Variants in RPP30 observed in about 807,000 individuals in gnomAD.
The protein encoded by RPP30 is ribonuclease P/MRP subunit p30.
Under a neutral mutation model 38.6 loss-of-function variants are expected in RPP30, and 36 were observed. The ratio of observed to expected loss-of-function variants is 0.93; its 90% CI spans 0.71 to 1.23. The LOEUF (loss-of-function observed/expected upper bound fraction) is 1.23, where lower values mean the gene tolerates loss of function less well. Ranked by LOEUF, RPP30 falls within the 50% of genes most tolerant of loss-of-function variation. The probability of loss-of-function intolerance (pLI) is 0.00; values close to 1 mark genes in which losing one functional copy is unlikely to be tolerated. For missense variants in RPP30, 321 were observed against 321.7 expected (o/e 1.00, Z 0.02); for synonymous variants, 126 against 112.7 (o/e 1.12, Z -0.75).
downstream of RPP30, among the ~76,000 whole-genome samples, chr10:90,904,453 A>G (rs757783365): frequency 3.3e-5 from 5 of 152,178 alleles, no homozygotes; most frequent in Non-Finnish European, 5.9e-5. Context: ...CTGTCACATT[A>G]TTGCAAGGAT....
intron 6 of RPP30, among the ~76,000 whole-genome samples, chr10:90,893,005 A>G (rs561173067): frequency 2.6e-5 from 4 of 152,358 alleles, no homozygotes; most frequent in Admixed American, 2.0e-4. Context: ...GGACAGAAAT[A>G]CTATCTTAAC....
downstream of RPP30, among the ~76,000 whole-genome samples, chr10:90,905,057 G>T (rs1847239040): frequency 6.6e-6 from 1 of 152,138 alleles, no homozygotes; most frequent in Non-Finnish European, 1.5e-5. Flanking sequence ...GCCGAGCATG[G>T]TCATCAAAGC....
chr10:90,880,406 T>TTTG (rs1339475814), intron 5 of RPP30, among the ~76,000 whole-genome samples: 3 of 152,120 alleles, frequency 2.0e-5, no homozygotes, highest in South Asian at 2.1e-4. Context: ...GCCTACTCTT[T>TTTG]TTGTTGTTGT....
At chr10:90,877,151 A>T (rs1846863171) in intron 4 of RPP30, among the ~76,000 whole-genome samples, 1 of 152,180 alleles carries the variant, frequency 6.6e-6, no homozygotes. Context: ...ATCTCTACTA[A>T]AAACCCAAAA....
intron 6 of RPP30, among the ~76,000 whole-genome samples, chr10:90,891,553 T>C (rs1847082086): frequency 6.6e-6 from 1 of 152,236 alleles, no homozygotes; most frequent in Non-Finnish European, 1.5e-5. Flanking sequence ...TTTAGTGTTA[T>C]TCTACAGATA....
rs1420580398 is a variant in RPP30 at position 90,901,062 on chromosome 10, A to G, written c.*383A>G. The G allele has an allele frequency of 1.4e-5, 7 of 492,916 alleles. No individual in the cohort carries two copies. Among genetic ancestry groups the G allele is most frequent in the African/African-American group, 2.1e-5 (1 of 47,016 alleles). The allele number at this position is 492,916 out of a possible 1,614,324, so 30.5% of individuals were successfully genotyped here. On this transcript the variant is annotated 3_prime_UTR_variant, in exon 11 of 11. Transcript: ENST00000371703. ...CATAATCACAGCTCACTGCAACCTC[A>G]ATCCTGGGCTCAAGTGATCCTCCCG...
intron 1 of RPP30, 120 bp from the exon 2 acceptor site, chr10:90,874,749 A>G (rs1424318603): frequency 7.8e-6 from 4 of 513,966 alleles, no homozygotes; most frequent in Non-Finnish European, 1.4e-5. Flanking sequence ...ACTAGAGTTC[A>G]CATTCATAAC....
At position 90,896,361 on chromosome 10, in the gene RPP30, C is replaced by T. The variant is rs990615012; in HGVS notation, c.666C>T (p.Ser222=). The T allele has an allele frequency of 2.5e-6, 4 of 1,614,090 alleles. No individual in the cohort carries two copies. The highest frequency in any genetic ancestry group is 2.5e-6 in the Non-Finnish European group (3 of 1,179,938). Residue 222 remains serine, a synonymous_variant, in exon 10 of 11, where the codon TCC becomes TCT. Coordinates refer to ENST00000371703, the MANE Select transcript of RPP30 (RefSeq NM_006413.5). ...LSESDAKAAV[S]TNCRAALLHG... Reference sequence around the variant, plus strand: ...AAAGTGACGCCAAGGCTGCGGTGTCCACCAACTGCCGAGCAGCGCTTCTCC... The same window carrying T: ...AAAGTGACGCCAAGGCTGCGGTGTCTACCAACTGCCGAGCAGCGCTTCTCC...
chr10:90,903,249 A>G (rs1385834870), downstream of RPP30: 1 of 1,610,612 alleles, frequency 6.2e-7, no homozygotes, highest in Non-Finnish European at 8.5e-7. Flanking sequence ...CATACTCCCA[A>G]GAACAGGCTT....
chr10:90,904,529 A>G (rs563825825), downstream of RPP30, among the ~76,000 whole-genome samples: 2 of 152,282 alleles, frequency 1.3e-5, no homozygotes, highest in South Asian at 2.1e-4. Flanking sequence ...TGTACCAACT[A>G]CAGCCGGGTG....
intron 10 of RPP30, among the ~76,000 whole-genome samples, chr10:90,898,020 AC>A (rs1306728952): frequency 6.6e-6 from 1 of 152,014 alleles, no homozygotes; most frequent in Non-Finnish European, 1.5e-5. Context: ...CATATACTAG[AC>A]CTTGTTCATT....
intron 6 of RPP30, among the ~76,000 whole-genome samples, chr10:90,893,638 C>T (rs1027331917): frequency 2.0e-5 from 3 of 152,208 alleles, no homozygotes; most frequent in South Asian, 4.1e-4. Context: ...ACCTTCCCTA[C>T]GTGCTGCCAT....
At chr10:90,873,479 GT>G (rs1174738358) in intron 1 of RPP30, among the ~76,000 whole-genome samples, 1 of 152,196 alleles carries the variant, frequency 6.6e-6, no homozygotes, top group Non-Finnish European at 1.5e-5. Flanking sequence ...CTGGTTCTCA[GT>G]TTCTGATGTG....
chr10:90,891,201 C>G (rs975249918), intron 6 of RPP30, among the ~76,000 whole-genome samples: 4 of 152,240 alleles, frequency 2.6e-5, no homozygotes, highest in African/African-American at 9.6e-5. Context: ...CCTCTGAAAT[C>G]TATAGGACCA....
At chr10:90,886,810 G>A (rs1847005784) in intron 6 of RPP30, among the ~76,000 whole-genome samples, 1 of 152,136 alleles carries the variant, frequency 6.6e-6, no homozygotes, top group African/African-American at 2.4e-5. Context: ...TTTTTCAAAG[G>A]ATAATTCCCT....
intron 4 of RPP30, among the ~76,000 whole-genome samples, chr10:90,878,744 C>T (rs529687274): frequency 2.0e-5 from 3 of 152,268 alleles, no homozygotes; most frequent in Admixed American, 6.5e-5. Context: ...CCTCCCACGT[C>T]GGCCTCCCAA....
exon 5 of RPP30, chr10:90,908,287 G>A (rs1847274573): frequency 6.6e-6 from 1 of 152,142 alleles, no homozygotes; most frequent in South Asian, 2.1e-4. Context: ...TTCCAGGAGG[G>A]CATGTCATGG....
At chr10:90,895,134 A>G (rs1847125335) in intron 7 of RPP30, 1 of 568,224 alleles carries the variant, frequency 1.8e-6, no homozygotes, top group Non-Finnish European at 3.2e-6. Context: ...TGCAATTTAC[A>G]TACTGTGAAA....
intron 7 of RPP30, 184 bp downstream of exon 7, chr10:90,895,075 T>C (rs972298723): frequency 1.8e-5 from 12 of 655,804 alleles, no homozygotes; most frequent in Non-Finnish European, 2.8e-5. Context: ...GGAAGAATAA[T>C]GTAAGGGAGA....
Sources: allele counts gnomAD v4.1 joint callset (sites outside exome capture counted in the v4.1 genomes callset), GRCh38; gene constraint gnomAD v4.1.1; transcripts MANE v1.5; gene names NCBI Gene and HGNC (gene_info 2026-07-23, HGNC 2026-07-21).